Variants in SLX4IP observed in about 807,000 individuals in gnomAD.
The protein encoded by SLX4IP is SLX4 interacting protein.
Under a neutral mutation model 32.9 loss-of-function variants are expected in SLX4IP, and 34 were observed. The ratio of observed to expected loss-of-function variants is 1.03; its 90% CI spans 0.79 to 1.38. SLX4IP has a LOEUF of 1.38. SLX4IP is among the 40% of genes most tolerant of loss of function. The pLI, the probability that SLX4IP is intolerant of heterozygous loss-of-function variation, is 0.00. For synonymous variants in SLX4IP, 172 were observed against 171.7 expected, an observed-to-expected ratio of 1.00 and a Z score of -0.01; for missense variants, 444 against 479.0, an observed-to-expected ratio of 0.93 and a Z score of 0.68.
intron 6 of SLX4IP, among the ~76,000 whole-genome samples, chr20:10,615,607 C>A (rs1415202058): frequency 3.3e-5 from 5 of 152,216 alleles, no homozygotes; most frequent in African/African-American, 1.2e-4. Flanking sequence ...CCTGCCTGCT[C>A]AGCACCTCCA....
At chr20:10,569,718 T>G (rs903362265) in intron 4 of SLX4IP, among the ~76,000 whole-genome samples, 8 of 152,072 alleles carry the variant, frequency 5.3e-5, no homozygotes, top group Non-Finnish European at 1.2e-4. Flanking sequence ...AGTCTGAGAT[T>G]AAAGTATTGG....
intron 2 of SLX4IP, among the ~76,000 whole-genome samples, chr20:10,485,088 A>G (rs1203912308): frequency 6.6e-6 from 1 of 152,056 alleles, no homozygotes; most frequent in African/African-American, 2.4e-5. Context: ...AAAGCCCAAC[A>G]TACGAGATTA....
intron 1 of SLX4IP, among the ~76,000 whole-genome samples, chr20:10,437,397 A>G (rs908300589): frequency 2.0e-5 from 3 of 152,242 alleles, no homozygotes; most frequent in African/African-American, 7.2e-5. Context: ...CTGTATCTGC[A>G]GAGATTGAGA....
chr20:10,498,340 G>A (rs756645223), intron 2 of SLX4IP, among the ~76,000 whole-genome samples: 3 of 151,840 alleles, frequency 2.0e-5, no homozygotes, highest in Non-Finnish European at 2.9e-5. Context: ...TTCCTCTGGC[G>A]AGTCCTTCTC....
chr20:10,617,383 C>G (rs2067048109), intron 6 of SLX4IP, among the ~76,000 whole-genome samples: 1 of 152,168 alleles, frequency 6.6e-6, no homozygotes, highest in African/African-American at 2.4e-5. Flanking sequence ...TGCAGCCAGT[C>G]TTCCCACTGG....
intron 2 of SLX4IP, among the ~76,000 whole-genome samples, chr20:10,475,071 G>T (rs192520191): frequency 6.6e-6 from 1 of 152,318 alleles, no homozygotes; most frequent in East Asian, 1.9e-4. Flanking sequence ...ATCTGCCAAG[G>T]CTAAGCCAGG....
rs1005373433 is a variant in SLX4IP, at chr20:10,620,560, C to CT, written c.406-743dup. Among the ~76,000 whole-genome samples, 364 of 146,976 alleles carry CT rather than the reference C, an allele frequency of 2.5e-3. 2 individuals are homozygous for CT. The highest frequency in any genetic ancestry group is 6.5e-3 in the African/African-American group (262 of 40,310). On this transcript the variant is annotated intron_variant, in intron 6 of 7. Coordinates refer to ENST00000334534, the MANE Select transcript of SLX4IP (RefSeq NM_001009608.3). Reference sequence around the variant, plus strand: ...ATGGTCTTGGGTGTGATAAAATATTCTTTTTTTTTTTGAGACAGAGTCTCG... The same window carrying CT: ...ATGGTCTTGGGTGTGATAAAATATTCTTTTTTTTTTTTGAGACAGAGTCTCG...
rs558584889 is a variant in SLX4IP at position 10,613,769 on chromosome 20, G to A, written c.406-7545G>A. 1.3e-4 allele frequency: 214 copies of A among 1,613,632 alleles called. 1 individual carries two copies. The highest frequency in any genetic ancestry group is 2.5e-4 in the Admixed American group (15 of 60,018). On this transcript the variant is annotated intron_variant, in intron 6 of 7. Transcript: ENST00000334534. Reference sequence around the variant, plus strand: ...TCCTGGGTTCCTCTGTGTACTGCACGCAAAGCACAGACTCCATGATCTGAT... The same window carrying A: ...TCCTGGGTTCCTCTGTGTACTGCACACAAAGCACAGACTCCATGATCTGAT...
intron 2 of SLX4IP, among the ~76,000 whole-genome samples, chr20:10,462,896 A>C (rs2065350033): frequency 6.6e-6 from 1 of 152,250 alleles, no homozygotes; most frequent in South Asian, 2.1e-4. Flanking sequence ...TATTATGTGC[A>C]CACAAGTGCA....
In SLX4IP at chr20:10,627,295, A is replaced by G. The variant is rs1299197847; in HGVS notation, c.*3916A>G. On this transcript the variant is annotated 3_prime_UTR_variant, in exon 8 of 8. Coordinates refer to ENST00000334534, the MANE Select transcript of SLX4IP (RefSeq NM_001009608.3). Reference sequence around the variant, plus strand: ...GTCAAGACAAGAGAATTCATTCCTTATTATTGAAACATTAATGAACTGAAA... The same window carrying G: ...GTCAAGACAAGAGAATTCATTCCTTGTTATTGAAACATTAATGAACTGAAA... The G allele has an allele frequency of 1.3e-5, 2 of 152,224 alleles. No homozygotes were observed. Among genetic ancestry groups the G allele is most frequent in the Non-Finnish European group, 2.9e-5 (2 of 68,044 alleles). The allele number at this position is 152,224 out of a possible 1,614,324, so 9.4% of individuals were successfully genotyped here. A position where few individuals can be genotyped will look rare whatever the true frequency, so the allele number is the denominator to read the frequency against.
chr20:10,467,698 G>A (rs561663373), intron 2 of SLX4IP, among the ~76,000 whole-genome samples: 10 of 152,130 alleles, frequency 6.6e-5, no homozygotes, highest in Non-Finnish European at 1.3e-4. Context: ...TGCTGATTTC[G>A]TGAAAGAATT....
At chr20:10,478,189 G>A (rs146922962) in intron 2 of SLX4IP, among the ~76,000 whole-genome samples, 1,629 of 152,238 alleles carry the variant, frequency 0.011, 32 homozygotes, top group African/African-American at 0.034. Flanking sequence ...GTGAGCCACC[G>A]CGCCCGGCCA....
At position 10,626,202 on chromosome 20, in the gene SLX4IP, T is replaced by A. The variant is rs1338462446; in HGVS notation, c.*2823T>A. On this transcript the variant is annotated 3_prime_UTR_variant, in exon 8 of 8. Coordinates refer to ENST00000334534, the MANE Select transcript of SLX4IP (RefSeq NM_001009608.3). Reference sequence around the variant, plus strand: ...GCTAATTTTTTGTATTTTTTTTTTTTTTTTTTTTTTTTTAGCAGAAACGGG... The same window carrying A: ...GCTAATTTTTTGTATTTTTTTTTTTATTTTTTTTTTTTTAGCAGAAACGGG... 6 of 144,926 alleles carry A rather than the reference T, an allele frequency of 4.1e-5. No individual in the cohort carries two copies. The highest frequency in any genetic ancestry group is 9.1e-5 in the Non-Finnish European group (6 of 65,734). The allele number at this position is 144,926 out of a possible 1,614,324, so 9.0% of individuals were successfully genotyped here.
At chr20:10,478,661 T>G (rs1034535503) in intron 2 of SLX4IP, among the ~76,000 whole-genome samples, 1 of 152,214 alleles carries the variant, frequency 6.6e-6, no homozygotes, top group Non-Finnish European at 1.5e-5. Context: ...CAGGTAACAT[T>G]GTTAAAGAAG....
intron 2 of SLX4IP, among the ~76,000 whole-genome samples, chr20:10,503,238 C>T (rs1346954759): frequency 6.6e-6 from 1 of 152,196 alleles, no homozygotes; most frequent in Non-Finnish European, 1.5e-5. Flanking sequence ...CCTTCTGAGT[C>T]TTCAGGCCTG....
At chr20:10,477,085 A>G (rs1035542434) in intron 2 of SLX4IP, among the ~76,000 whole-genome samples, 9 of 152,240 alleles carry the variant, frequency 5.9e-5, no homozygotes, top group Non-Finnish European at 1.3e-4. Context: ...TTCCCGTATC[A>G]AGAGCAGACA....
At chr20:10,567,318 G>A (rs548058756) in intron 4 of SLX4IP, among the ~76,000 whole-genome samples, 2 of 152,308 alleles carry the variant, frequency 1.3e-5, no homozygotes, top group South Asian at 2.1e-4. Flanking sequence ...GTGTTAGAAG[G>A]TGGGGAAAGT....
At chr20:10,443,363 T>C (rs150763063) in intron 1 of SLX4IP, among the ~76,000 whole-genome samples, 17 of 152,312 alleles carry the variant, frequency 1.1e-4, no homozygotes, top group African/African-American at 3.8e-4. Context: ...GGGAATCTTA[T>C]AGTCAGGGAG....
At chr20:10,555,943 G>T (rs978762669) in intron 2 of SLX4IP, among the ~76,000 whole-genome samples, 1 of 152,116 alleles carries the variant, frequency 6.6e-6, no homozygotes, top group Admixed American at 6.5e-5. Flanking sequence ...AACTGCTGCC[G>T]GGATGCTTGG....
Sources: gnomAD v4.1 joint callset for allele counts (sites outside exome capture counted in the v4.1 genomes callset) on GRCh38, gnomAD v4.1.1 for gene constraint, MANE v1.5 for transcripts, NCBI Gene and HGNC (gene_info 2026-07-23, HGNC 2026-07-21) for gene names.